TENM3: variants seen among roughly 807,000 people sequenced by gnomAD.
The protein encoded by TENM3 is teneurin transmembrane protein 3.
In TENM3, 63 loss-of-function variants were observed where a neutral mutation model predicts 255.1. The ratio of observed to expected loss-of-function variants is 0.25; its 90% confidence interval spans 0.20 to 0.30. The LOEUF is 0.30. Ranked by LOEUF, TENM3 falls within the 10% of genes least tolerant of loss-of-function variation. The probability of loss-of-function intolerance (pLI) is 1.00; values close to 1 mark genes in which losing one functional copy is unlikely to be tolerated. For missense variants in TENM3, 2,929 were observed against 3,461.1 expected (o/e 0.85, Z 3.86); for synonymous variants, 1,306 against 1,322.3 (o/e 0.99, Z 0.27).
chr4:182,539,366 C>A (rs569855094), intron 3 of TENM3, among the ~76,000 whole-genome samples: 1 of 152,020 alleles, frequency 6.6e-6, no homozygotes, highest in African/African-American at 2.4e-5. Context: ...GCAGTGACTT[C>A]TCCGGAGGGA....
the TENM3 span, among the ~76,000 whole-genome samples, chr4:181,568,308 C>A: frequency 6.6e-6 from 1 of 151,850 alleles, no homozygotes; most frequent in Non-Finnish European, 1.5e-5. Context: ...AGATTACAGG[C>A]GCCCGCCACC....
At chr4:181,836,552 A>G in the TENM3 span, among the ~76,000 whole-genome samples, 1 of 152,082 alleles carries the variant, frequency 6.6e-6, no homozygotes, top group Non-Finnish European at 1.5e-5. Context: ...TCCTTTCCTC[A>G]TTGATTTCCA....
chr4:182,391,345 T>C (rs1180627898), intron 3 of TENM3, among the ~76,000 whole-genome samples: 1 of 152,170 alleles, frequency 6.6e-6, no homozygotes, highest in Non-Finnish European at 1.5e-5. Context: ...GAAGTTAAAA[T>C]CAAACCCAGA....
At chr4:182,442,030 A>G (rs1772530862) in intron 3 of TENM3, among the ~76,000 whole-genome samples, 1 of 152,186 alleles carries the variant, frequency 6.6e-6, no homozygotes, top group Non-Finnish European at 1.5e-5. Flanking sequence ...GGGCCCATAA[A>G]CTATTCTTGG....
At chr4:182,069,459 T>C in the TENM3 span, among the ~76,000 whole-genome samples, 1 of 152,166 alleles carries the variant, frequency 6.6e-6, no homozygotes, top group Non-Finnish European at 1.5e-5. Context: ...CAGAAATTCC[T>C]TCTAGCCCCC....
the TENM3 span, among the ~76,000 whole-genome samples, chr4:181,666,412 G>A: frequency 4.6e-5 from 7 of 152,240 alleles, no homozygotes; most frequent in Non-Finnish European, 8.8e-5. Flanking sequence ...CTCCTTGAAA[G>A]CAGCTTGTGC....
chr4:182,711,503 T>G (rs1758746202), intron 12 of TENM3: 3 of 661,786 alleles, frequency 4.5e-6, no homozygotes, highest in African/African-American at 2.0e-5. Context: ...ATGTAGATTC[T>G]GAAAATTTTC....
chr4:182,042,769 A>G, the TENM3 span, among the ~76,000 whole-genome samples: 5 of 152,276 alleles, frequency 3.3e-5, no homozygotes, highest in Admixed American at 3.3e-4. Flanking sequence ...GAGGGCATGC[A>G]TACATCTTAA....
At chr4:182,140,760 G>A (rs1050026615), upstream of TENM3, among the ~76,000 whole-genome samples, 1 of 152,188 alleles carries the variant, frequency 6.6e-6, no homozygotes, top group African/African-American at 2.4e-5. Context: ...CTTTAGGACA[G>A]GAGGAGAAAA....
At chr4:182,517,190 C>T (rs1156687333) in intron 3 of TENM3, among the ~76,000 whole-genome samples, 2 of 151,786 alleles carry the variant, frequency 1.3e-5, no homozygotes, top group Admixed American at 1.3e-4. Flanking sequence ...CAAACCCAGC[C>T]GAGAATATAA....
intron 3 of TENM3, among the ~76,000 whole-genome samples, chr4:182,562,754 G>C (rs556489177): frequency 8.9e-4 from 136 of 152,178 alleles, no homozygotes; most frequent in African/African-American, 3.2e-3. Flanking sequence ...CCAACTTTGT[G>C]GGGGGTGCAA....
At chr4:182,085,523 GA>G in the TENM3 span, among the ~76,000 whole-genome samples, 1 of 152,174 alleles carries the variant, frequency 6.6e-6, no homozygotes, top group South Asian at 2.1e-4. Flanking sequence ...TAGCATGTCA[GA>G]TTTCTCATTA....
intron 3 of TENM3, among the ~76,000 whole-genome samples, chr4:182,395,580 G>A (rs1377580450): frequency 1.3e-5 from 2 of 152,264 alleles, no homozygotes; most frequent in East Asian, 3.9e-4. Flanking sequence ...GGGAGATGCT[G>A]AGCCCTTTAA....
At chr4:182,338,723 T>C (rs1764295334) in intron 2 of TENM3, among the ~76,000 whole-genome samples, 1 of 152,180 alleles carries the variant, frequency 6.6e-6, no homozygotes, top group Non-Finnish European at 1.5e-5. Context: ...TTATCCTGCT[T>C]TGGATGTGAA....
At chr4:182,635,010 C>T (rs969306844) in intron 5 of TENM3, among the ~76,000 whole-genome samples, 2 of 152,154 alleles carry the variant, frequency 1.3e-5, no homozygotes, top group Admixed American at 1.3e-4. Context: ...CAAATAAGCC[C>T]TCAAATCAGA....
the TENM3 span, among the ~76,000 whole-genome samples, chr4:181,669,640 C>G: frequency 6.6e-6 from 1 of 152,122 alleles, no homozygotes; most frequent in South Asian, 2.1e-4. Flanking sequence ...CCAGATACCC[C>G]CAGCGTATCA....
At position 182,710,560 on chromosome 4, in the gene TENM3, C is replaced by T. The variant is rs193181965; in HGVS notation, c.2222-3527C>T. On this transcript the variant is annotated intron_variant, in intron 12 of 27. Coordinates refer to ENST00000511685, the MANE Select transcript of TENM3 (RefSeq NM_001080477.4). The stretch of plus-strand genomic sequence containing the variant: ...TGTGGCAAAGTGAAGAATCCTTTTA[C>T]ATACACAGTACAGATGTATCAAAAC... Among the ~76,000 whole-genome samples the T allele has an allele frequency of 2.0e-5, 3 of 152,288 alleles. No homozygotes were observed. In the East Asian group the frequency reaches 5.8e-4, roughly 29 times the overall value.
intron 3 of TENM3, among the ~76,000 whole-genome samples, chr4:182,349,237 G>A (rs574777039): frequency 3.9e-5 from 6 of 152,262 alleles, no homozygotes; most frequent in Admixed American, 3.3e-4. Context: ...TTTAAACAAC[G>A]TTTTGATGGT....
the TENM3 span, among the ~76,000 whole-genome samples, chr4:181,815,280 C>T: frequency 6.7e-5 from 10 of 149,648 alleles, no homozygotes; most frequent in Admixed American, 4.7e-4. Flanking sequence ...GGTGAAACCC[C>T]GTCTCTACAA....
Sources: allele counts gnomAD v4.1 joint callset (sites outside exome capture counted in the v4.1 genomes callset), GRCh38; gene constraint gnomAD v4.1.1; transcripts MANE v1.5; gene names NCBI Gene and HGNC (gene_info 2026-07-23, HGNC 2026-07-21).